PRPF18: variants seen among roughly 807,000 people sequenced by gnomAD.
The protein encoded by PRPF18 is pre-mRNA processing factor 18.
A neutral mutation model predicts 46.5 loss-of-function variants in PRPF18; 38 were observed. The observed-to-expected ratio is 0.82, with a 90% CI of 0.63 to 1.07. The LOEUF (loss-of-function observed/expected upper bound fraction) is 1.07. PRPF18 is among the 50% of genes least tolerant of loss of function. The pLI is 0.00. For synonymous variants in PRPF18, 152 were observed against 146.7 expected, an observed-to-expected ratio of 1.04 and a Z score of -0.26; for missense variants, 263 against 410.0, an observed-to-expected ratio of 0.64 and a Z score of 3.10.
chr10:13,624,640 A>G (rs1209056176), intron 9 of PRPF18, among the ~76,000 whole-genome samples: 4 of 152,254 alleles, frequency 2.6e-5, no homozygotes, highest in Admixed American at 1.3e-4. Flanking sequence ...AGTGGAATAT[A>G]CAATATTGAC....
Position 13,596,651 on chromosome 10 carries a change from A to G in PRPF18, c.67-807A>G, listed in dbSNP as rs565843422. 3.3e-5 allele frequency among the ~76,000 whole-genome samples: 5 copies of G among 152,338 alleles called. No homozygotes were observed. The East Asian group carries it at 9.7e-4, about 29-fold the overall frequency. On this transcript the variant is annotated intron_variant, in intron 1 of 9. Coordinates refer to ENST00000378572, the MANE Select transcript of PRPF18 (RefSeq NM_003675.4). ...CCAAATTACGGACTGTAGATGTAAC[A>G]ATAAGGATAATTTTATGTATAATGT...
At chr10:13,597,767 G>A in intron 2 of PRPF18, 6 of 975,604 alleles carry the variant, frequency 6.2e-6, no homozygotes, top group South Asian at 3.0e-5. Context: ...TTTTGTGGAC[G>A]GCATGAAGTG....
chr10:13,588,322 A>C lies in PRPF18; in HGVS notation c.66+1170A>C, dbSNP rs560488487. On this transcript the variant is annotated intron_variant, in intron 1 of 9. Transcript: ENST00000378572. ...CTCAGGAGGCTGAGGCCAGAGAATC[A>C]CTTGAACCCGGGAGGCGGAGGTTGC... Among the ~76,000 whole-genome samples the C allele has an allele frequency of 4.0e-5, 6 of 151,182 alleles. No homozygotes were observed. In the South Asian group the frequency reaches 1.3e-3, roughly 32 times the overall value.
At chr10:13,637,554 A>G in the PRPF18 span, among the ~76,000 whole-genome samples, 2 of 152,170 alleles carry the variant, frequency 1.3e-5, no homozygotes, top group Admixed American at 6.5e-5. Flanking sequence ...TGACTGATTT[A>G]TAGTACTTTC....
intron 9 of PRPF18, among the ~76,000 whole-genome samples, chr10:13,616,951 A>ATC (rs1274349516): frequency 6.6e-6 from 1 of 152,230 alleles, no homozygotes; most frequent in African/African-American, 2.4e-5. Context: ...TAAATCTAAC[A>ATC]TCTACTGGGT....
the PRPF18 span, chr10:13,644,334 G>A: frequency 6.6e-6 from 1 of 152,194 alleles, no homozygotes; most frequent in African/African-American, 2.4e-5. Flanking sequence ...AAGTGCTTGT[G>A]TACAATAACT....
chr10:13,619,706 T>G (rs1209421637), intron 9 of PRPF18, among the ~76,000 whole-genome samples: 1 of 152,160 alleles, frequency 6.6e-6, no homozygotes, highest in African/African-American at 2.4e-5. Context: ...AAATGAGCAA[T>G]GCAGAAGCGA....
At chr10:13,651,908 T>C in the PRPF18 span, 4 of 1,535,408 alleles carry the variant, frequency 2.6e-6, no homozygotes, top group South Asian at 1.1e-5. Flanking sequence ...GGTACCTCTA[T>C]TCATCAGTAC....
chr10:13,636,900 T>C, the PRPF18 span: 4 of 152,346 alleles, frequency 2.6e-5, no homozygotes, highest in African/African-American at 9.6e-5. Context: ...TTAGAACACT[T>C]TCGTCATTCC....
chr10:13,608,329 C>T (rs545385349), intron 4 of PRPF18, among the ~76,000 whole-genome samples: 4 of 152,290 alleles, frequency 2.6e-5, no homozygotes, highest in South Asian at 4.1e-4. Flanking sequence ...CCTTTCCTGG[C>T]GTCTCAGTTG....
chr10:13,638,454 G>A, the PRPF18 span, among the ~76,000 whole-genome samples: 36 of 152,112 alleles, frequency 2.4e-4, no homozygotes, highest in Non-Finnish European at 4.3e-4. Flanking sequence ...TAAGGAATTG[G>A]TTGAAACAGT....
chr10:13,616,348 C>G, intron 8 of PRPF18, 50 bp from the exon 9 acceptor site: 1 of 1,519,654 alleles, frequency 6.6e-7, no homozygotes, highest in South Asian at 1.2e-5. Flanking sequence ...AGAATTTGAG[C>G]CAGTACAACA....
Position 13,591,460 on chromosome 10 carries a change from G to A in PRPF18, c.66+4308G>A, listed in dbSNP as rs2079960210. ...AATTAGGTTCTTCTTAAGAAATGTA[G>A]AACACCAATTTGTGAGGATAAATTC... On this transcript the variant is annotated intron_variant, in intron 1 of 9. Coordinates refer to ENST00000378572, the MANE Select transcript of PRPF18 (RefSeq NM_003675.4). The A allele has an allele frequency of 6.7e-6, 4 of 601,376 alleles. No homozygotes were observed. In the East Asian group the frequency reaches 8.1e-5, roughly 12 times the overall value. The allele number at this position is 601,376 out of a possible 1,614,324, so 37.3% of individuals were successfully genotyped here. A position where few individuals can be genotyped will look rare whatever the true frequency, so the allele number is the denominator to read the frequency against.
rs572358575 is a variant in PRPF18 at position 13,627,929 on chromosome 10, G to A, written c.949-2331G>A. Among the ~76,000 whole-genome samples the A allele has an allele frequency of 7.9e-5, 12 of 152,308 alleles. No homozygotes were observed. The South Asian group carries it at 2.5e-3, about 32-fold the overall frequency. On this transcript the variant is annotated intron_variant, in intron 9 of 9. Transcript: ENST00000378572. ...GAAGCTATTTGTATTTCATCAGGGT[G>A]TTCTCTTGCCTGACTTTGCCCCTCT...
At chr10:13,616,966 G>T (rs2080351043) in intron 9 of PRPF18, among the ~76,000 whole-genome samples, 1 of 152,168 alleles carries the variant, frequency 6.6e-6, no homozygotes, top group Non-Finnish European at 1.5e-5. Flanking sequence ...CTGGGTTCAA[G>T]ATGTATGGAG....
chr10:13,646,320 G>C, the PRPF18 span: 32 of 152,564 alleles, frequency 2.1e-4, no homozygotes, highest in Non-Finnish European at 1.5e-5. Flanking sequence ...AATTTTTTAT[G>C]TTTTTATTTA....
At chr10:13,591,673 G>A in intron 1 of PRPF18, 1 of 637,680 alleles carries the variant, frequency 1.6e-6, no homozygotes. Context: ...GCTGCTGCTT[G>A]AATAAGCATC....
At chr10:13,626,414 A>AGG (rs2080505580) in intron 9 of PRPF18, among the ~76,000 whole-genome samples, 2 of 152,192 alleles carry the variant, frequency 1.3e-5, no homozygotes, top group Non-Finnish European at 2.9e-5. Context: ...AACTTATGAG[A>AGG]GGTCATCATC....
Position 13,629,332 on chromosome 10 carries a change from G to A in PRPF18, c.949-928G>A, listed in dbSNP as rs2080558417. ...ATGGCCAGGTCACGCTTGGAATGTT[G>A]TACTCAGTTTTTACTGACATATTAA... On this transcript the variant is annotated intron_variant, in intron 9 of 9. Coordinates refer to ENST00000378572, the MANE Select transcript of PRPF18 (RefSeq NM_003675.4). Among the ~76,000 whole-genome samples the A allele has an allele frequency of 2.6e-5, 4 of 152,262 alleles. No homozygotes were observed. The South Asian group carries it at 8.3e-4, about 32-fold the overall frequency.
Sources: allele counts gnomAD v4.1 joint callset (sites outside exome capture counted in the v4.1 genomes callset), GRCh38; gene constraint gnomAD v4.1.1; transcripts MANE v1.5; gene names NCBI Gene and HGNC (gene_info 2026-07-23, HGNC 2026-07-21).